The following PLCB4 variants were observed in gnomAD, a reference collection of about 807,000 sequenced individuals.
PLCB4 encodes the protein 1-phosphatidylinositol 4,5-bisphosphate phosphodiesterase beta-4.
A neutral mutation model predicts 178.8 loss-of-function variants in PLCB4; 77 were observed. The ratio of observed to expected loss-of-function variants is 0.43; its 90% CI spans 0.36 to 0.52. The LOEUF is 0.52. Ranked by LOEUF, PLCB4 falls within the 20% of genes least tolerant of loss-of-function variation. PLCB4 has a pLI of 0.00. For synonymous variants in PLCB4, 496 were observed against 490.8 expected, an observed-to-expected ratio of 1.01 and a Z score of -0.14; for missense variants, 1,024 against 1,453.4, an observed-to-expected ratio of 0.70 and a Z score of 4.80.
chr20:9,141,961 G>A (rs893387987), intron 2 of PLCB4, among the ~76,000 whole-genome samples: 6 of 152,220 alleles, frequency 3.9e-5, no homozygotes, highest in African/African-American at 1.4e-4. Context: ...ACCAAAGGCA[G>A]TGAAGGTATA....
At chr20:9,233,572 T>A (rs1351772034) in intron 3 of PLCB4, among the ~76,000 whole-genome samples, 1 of 152,150 alleles carries the variant, frequency 6.6e-6, no homozygotes. Flanking sequence ...AAGATTGTAC[T>A]ATGAAGGTAA....
chr20:9,432,981 T>C (rs2148627928), intron 28 of PLCB4, among the ~76,000 whole-genome samples: 1 of 152,288 alleles, frequency 6.6e-6, no homozygotes, highest in Non-Finnish European at 1.5e-5. Context: ...AGTATTGCCA[T>C]GAGAATCACC....
chr20:9,141,229 C>T (rs945376803), intron 2 of PLCB4, among the ~76,000 whole-genome samples: 1 of 152,164 alleles, frequency 6.6e-6, no homozygotes, highest in African/African-American at 2.4e-5. Context: ...ACTACTCATT[C>T]CATTCCTATT....
At chr20:9,387,170 C>G (rs1416148247) in intron 14 of PLCB4, among the ~76,000 whole-genome samples, 3 of 152,044 alleles carry the variant, frequency 2.0e-5, no homozygotes, top group Admixed American at 6.5e-5. Flanking sequence ...GCCCGGCCCC[C>G]AAATTGTCCT....
intron 3 of PLCB4, among the ~76,000 whole-genome samples, chr20:9,302,298 C>G (rs1211882338): frequency 1.3e-5 from 2 of 152,048 alleles, no homozygotes; most frequent in Non-Finnish European, 2.9e-5. Context: ...TTAACATTCT[C>G]TGCAGTCACT....
At chr20:9,268,910 C>CA (rs2094375631) in intron 3 of PLCB4, among the ~76,000 whole-genome samples, 1 of 152,192 alleles carries the variant, frequency 6.6e-6, no homozygotes. Context: ...CCCTTATCCT[C>CA]ATTGTTGCAT....
At chr20:9,093,378 C>T (rs1489563507) in intron 1 of PLCB4, among the ~76,000 whole-genome samples, 2 of 152,146 alleles carry the variant, frequency 1.3e-5, no homozygotes, top group East Asian at 3.9e-4. Context: ...TGGAAGCCTG[C>T]CTCCTGAGGC....
intron 32 of PLCB4, among the ~76,000 whole-genome samples, chr20:9,444,637 C>T (rs1257173926): frequency 2.6e-5 from 4 of 152,092 alleles, no homozygotes; most frequent in African/African-American, 7.2e-5. Flanking sequence ...TGACATACCC[C>T]TGTAATCCCA....
At chr20:9,161,096 A>G (rs945010144) in intron 2 of PLCB4, among the ~76,000 whole-genome samples, 3 of 152,194 alleles carry the variant, frequency 2.0e-5, no homozygotes, top group Admixed American at 2.0e-4. Flanking sequence ...GTTATTTGAG[A>G]TATGTAAAAG....
At chr20:9,335,334 C>A (rs899042362) in intron 4 of PLCB4, among the ~76,000 whole-genome samples, 6 of 152,194 alleles carry the variant, frequency 3.9e-5, no homozygotes, top group African/African-American at 1.4e-4. Flanking sequence ...TCCCATCACA[C>A]CCCCTGTCAT....
intron 7 of PLCB4, among the ~76,000 whole-genome samples, chr20:9,360,888 A>T (rs1390189997): frequency 1.3e-5 from 2 of 152,232 alleles, no homozygotes; most frequent in Admixed American, 1.3e-4. Flanking sequence ...TCCCTCAGAA[A>T]ACTGTTAGGT....
At chr20:9,443,326 A>G (rs1428099017) in intron 30 of PLCB4, among the ~76,000 whole-genome samples, 1 of 152,242 alleles carries the variant, frequency 6.6e-6, no homozygotes, top group African/African-American at 2.4e-5. Context: ...GTTGACTGGC[A>G]TGATATGCCT....
intron 4 of PLCB4, 62 bp downstream of exon 4, chr20:9,307,960 C>T (rs368800804): frequency 9.2e-5 from 64 of 696,708 alleles, no homozygotes; most frequent in East Asian, 3.7e-4. Flanking sequence ...ATTTTAATTA[C>T]AGTATTGAGT....
At chr20:9,254,730 C>T (rs1484448273) in intron 3 of PLCB4, among the ~76,000 whole-genome samples, 4 of 152,112 alleles carry the variant, frequency 2.6e-5, no homozygotes, top group Admixed American at 6.6e-5. Context: ...TGTCTTATCA[C>T]ATTTACATAA....
chr20:9,190,294 T>TAA (rs2093385023), intron 2 of PLCB4, among the ~76,000 whole-genome samples: 1 of 151,486 alleles, frequency 6.6e-6, no homozygotes, highest in Non-Finnish European at 1.5e-5. Context: ...GGGAGGGAGG[T>TAA]GATTGGATTG....
intron 35 of PLCB4, among the ~76,000 whole-genome samples, chr20:9,465,107 C>T (rs905405904): frequency 3.9e-5 from 6 of 152,180 alleles, no homozygotes; most frequent in African/African-American, 1.4e-4. Context: ...TCGGCTTCAT[C>T]CCTGGGATGC....
At chr20:9,270,272 A>C (rs1377187625) in intron 3 of PLCB4, among the ~76,000 whole-genome samples, 1 of 152,182 alleles carries the variant, frequency 6.6e-6, no homozygotes, top group Non-Finnish European at 1.5e-5. Flanking sequence ...TATCACTGTC[A>C]TAATAGGATA....
In PLCB4 at chr20:9,294,288, G is replaced by A. The variant is rs191854698; in HGVS notation, c.-15-13512G>A. ...CTGCAGATTAAAGGGATGTTGTGTT[G>A]GCTGAGGGTTTGGTTATGACTCAGT... On this transcript the variant is annotated intron_variant, in intron 3 of 39. Coordinates refer to ENST00000378473, the MANE Select transcript of PLCB4 (RefSeq NM_001377142.1). Among the ~76,000 whole-genome samples the A allele has an allele frequency of 9.9e-5, 15 of 152,174 alleles. No homozygotes were observed. The South Asian group carries it at 1.0e-3, about 11-fold the overall frequency.
At chr20:9,477,492 C>A (rs1388132060) in intron 39 of PLCB4, among the ~76,000 whole-genome samples, 2 of 152,166 alleles carry the variant, frequency 1.3e-5, no homozygotes, top group Non-Finnish European at 1.5e-5. Context: ...GGGGGACAAG[C>A]ACAGAGAATC....
Sources: gnomAD v4.1 joint callset for allele counts (sites outside exome capture counted in the v4.1 genomes callset) on GRCh38, gnomAD v4.1.1 for gene constraint, MANE v1.5 for transcripts, NCBI Gene and HGNC (gene_info 2026-07-23, HGNC 2026-07-21) for gene names.